The following SSPN variants were observed in gnomAD, a reference collection of about 807,000 sequenced individuals.
SSPN encodes the protein sarcospan, also known as K-ras oncogene-associated protein.
SSPN carries 15 observed loss-of-function variants against 19.1 expected under a neutral mutation model. The observed-to-expected ratio is 0.78, with a 90% CI of 0.52 to 1.21. The LOEUF (loss-of-function observed/expected upper bound fraction) is 1.21. SSPN is among the 50% of genes most tolerant of loss of function. The pLI is 0.00. For missense variants in SSPN, 291 were observed against 314.0 expected (o/e 0.93, Z 0.55); for synonymous variants, 147 against 140.3 (o/e 1.05, Z -0.34).
At chr12:26,203,822 G>A (rs938552342) in intron 1 of SSPN, among the ~76,000 whole-genome samples, 4 of 152,146 alleles carry the variant, frequency 2.6e-5, no homozygotes, top group Non-Finnish European at 5.9e-5. Flanking sequence ...GGGCTAGGGA[G>A]GGTTCTCTTC....
At chr12:26,172,427 G>C (rs1414928789) in intron 1 of SSPN, among the ~76,000 whole-genome samples, 7 of 152,088 alleles carry the variant, frequency 4.6e-5, no homozygotes, top group African/African-American at 1.4e-4. Context: ...CTGCATAATA[G>C]GCTCATTTCT....
At chr12:26,126,521 C>CCCCGG (rs1199048952) in intron 1 of SSPN, 2 of 152,218 alleles carry the variant, frequency 1.3e-5, no homozygotes, top group African/African-American at 2.4e-5. Flanking sequence ...GCTACGTGTC[C>CCCCGG]CCCGGCCCGC....
chr12:26,124,958 GCA>G (rs778562866), intron 1 of SSPN: 38 of 690,246 alleles, frequency 5.5e-5, no homozygotes, highest in South Asian at 3.0e-4. Context: ...CACCGCGCTC[GCA>G]CACACACACG....
chr12:26,148,315 G>A (rs1173083852), intron 1 of SSPN, among the ~76,000 whole-genome samples: 1 of 152,198 alleles, frequency 6.6e-6, no homozygotes, highest in Admixed American at 6.5e-5. Flanking sequence ...ATGTTACTCT[G>A]AAGGAAATGA....
upstream of SSPN, among the ~76,000 whole-genome samples, chr12:26,194,265 C>A (rs982174163): frequency 3.3e-5 from 5 of 152,186 alleles, no homozygotes; most frequent in Non-Finnish European, 7.4e-5. Flanking sequence ...AGGACCAAGT[C>A]TATTTTGAAC....
intron 1 of SSPN, chr12:26,122,500 G>A (rs1205402315): frequency 1.5e-6 from 2 of 1,315,588 alleles, no homozygotes; most frequent in South Asian, 1.8e-5. Context: ...GCCGCGGGCT[G>A]CGGGAAGGGC....
chr12:26,154,658 A>G (rs986862823), intron 1 of SSPN, among the ~76,000 whole-genome samples: 2 of 152,210 alleles, frequency 1.3e-5, no homozygotes, highest in African/African-American at 2.4e-5. Flanking sequence ...ATAAAATGGT[A>G]CCTATAAAGA....
chr12:26,175,789 A>G (rs966013469), intron 1 of SSPN, among the ~76,000 whole-genome samples: 2 of 152,222 alleles, frequency 1.3e-5, no homozygotes, highest in African/African-American at 4.8e-5. Flanking sequence ...CTGTAATTCT[A>G]ATGGGCTTAA....
At chr12:26,152,090 C>T (rs900409523) in intron 1 of SSPN, among the ~76,000 whole-genome samples, 1 of 152,044 alleles carries the variant, frequency 6.6e-6, no homozygotes, top group Non-Finnish European at 1.5e-5. Context: ...TTGACATTTC[C>T]CTCATCATTT....
chr12:26,232,401 T>C lies in SSPN; in HGVS notation c.*1325T>C. The C allele has an allele frequency of 1.0e-6, 1 of 985,448 alleles. No homozygotes were observed. The highest frequency in any genetic ancestry group is 1.2e-6 in the Non-Finnish European group (1 of 829,904). 61.0% of individuals were successfully genotyped at this position (985,448 alleles called of 1,614,324 possible). ...ATTGTTGCTATTAAATTCTGAACTG[T>C]ATCCATATTTTAAGGAAGGAGCTAA... On this transcript the variant is annotated 3_prime_UTR_variant, in exon 3 of 3. Coordinates refer to ENST00000242729, the MANE Select transcript of SSPN (RefSeq NM_005086.5).
exon 1 of SSPN, chr12:26,122,017 T>C (rs1944309786): frequency 6.5e-7 from 1 of 1,546,350 alleles, no homozygotes; most frequent in Non-Finnish European, 8.7e-7. Flanking sequence ...CTTAAGGGTA[T>C]TTTAACTTCT....
chr12:26,132,618 A>G (rs1199884252), intron 1 of SSPN, among the ~76,000 whole-genome samples: 1 of 152,102 alleles, frequency 6.6e-6, no homozygotes, highest in Non-Finnish European at 1.5e-5. Context: ...CTAGGCCTTC[A>G]TTATATCTAC....
intron 1 of SSPN, among the ~76,000 whole-genome samples, chr12:26,165,247 C>T (rs4517620): frequency 0.13 from 19,998 of 152,128 alleles, 1,345 homozygotes; most frequent in Middle Eastern, 0.19. Context: ...TCTCAAATTC[C>T]GTCTATACAG....
chr12:26,175,200 C>T (rs1378625092), intron 1 of SSPN, among the ~76,000 whole-genome samples: 2 of 152,206 alleles, frequency 1.3e-5, no homozygotes, highest in Non-Finnish European at 2.9e-5. Flanking sequence ...TACATCCTCA[C>T]CAACACTTGA....
intron 1 of SSPN, chr12:26,124,654 T>G: frequency 1.9e-6 from 3 of 1,612,932 alleles, no homozygotes; most frequent in Non-Finnish European, 2.5e-6. Flanking sequence ...CATACCACTT[T>G]CTGGAGAAGA....
intron 1 of SSPN, among the ~76,000 whole-genome samples, chr12:26,178,068 A>T (rs1944695664): frequency 6.6e-6 from 1 of 152,204 alleles, no homozygotes; most frequent in South Asian, 2.1e-4. Flanking sequence ...ATACAAGGTC[A>T]TGTGTTTTGA....
intron 1 of SSPN, among the ~76,000 whole-genome samples, chr12:26,185,642 C>T (rs926343931): frequency 1.3e-5 from 2 of 152,094 alleles, no homozygotes; most frequent in African/African-American, 2.4e-5. Context: ...ATGACCTGAC[C>T]GAACCAGTAG....
intron 2 of SSPN, among the ~76,000 whole-genome samples, chr12:26,230,412 G>T (rs1450453749): frequency 6.6e-6 from 1 of 152,142 alleles, no homozygotes; most frequent in Non-Finnish European, 1.5e-5. Flanking sequence ...CATCTAAACT[G>T]CTGGCAATAT....
chr12:26,185,286 C>T (rs1288878675), intron 1 of SSPN, among the ~76,000 whole-genome samples: 1 of 152,150 alleles, frequency 6.6e-6, no homozygotes, highest in Non-Finnish European at 1.5e-5. Context: ...AAGGCAGGTT[C>T]CTGCCCGTGA....
Sources: allele counts gnomAD v4.1 joint callset (sites outside exome capture counted in the v4.1 genomes callset), GRCh38; gene constraint gnomAD v4.1.1; transcripts MANE v1.5; gene names NCBI Gene and HGNC (gene_info 2026-07-23, HGNC 2026-07-21).